Variants in METTL25 observed in about 807,000 individuals in gnomAD.
METTL25 encodes the protein methyltransferase like 25, also known as probable methyltransferase-like protein 25.
A neutral mutation model predicts 71.6 loss-of-function variants in METTL25; 64 were observed. The observed-to-expected ratio is 0.89, with a 90% CI of 0.73 to 1.10. METTL25 has a LOEUF of 1.10. Ranked by LOEUF, METTL25 falls within the 50% of genes least tolerant of loss-of-function variation. METTL25 has a pLI of 0.00. For synonymous variants in METTL25, 287 were observed against 250.3 expected, an observed-to-expected ratio of 1.15 and a Z score of -1.38; for missense variants, 807 against 707.0, an observed-to-expected ratio of 1.14 and a Z score of -1.60.
intron 1 of METTL25, among the ~76,000 whole-genome samples, chr12:82,368,329 C>G (rs960398338): frequency 6.6e-6 from 1 of 152,110 alleles, no homozygotes; most frequent in African/African-American, 2.4e-5. Flanking sequence ...TTTTTTTTAG[C>G]CAACATTTCA....
intron 1 of METTL25, among the ~76,000 whole-genome samples, chr12:82,368,169 C>T (rs1882785481): frequency 1.3e-5 from 2 of 151,980 alleles, no homozygotes; most frequent in South Asian, 4.1e-4. Context: ...GCTGTGTTAT[C>T]TTGCACAGGG....
intron 1 of METTL25, among the ~76,000 whole-genome samples, chr12:82,360,918 G>T (rs1467764804): frequency 6.6e-6 from 1 of 152,164 alleles, no homozygotes; most frequent in Non-Finnish European, 1.5e-5. Flanking sequence ...GGTCTCGCTG[G>T]CTTCAGGAGT....
At chr12:82,409,635 C>T (rs1196551799) in intron 5 of METTL25, among the ~76,000 whole-genome samples, 3 of 151,974 alleles carry the variant, frequency 2.0e-5, no homozygotes, top group South Asian at 2.1e-4. Context: ...CTGCTCCTTC[C>T]CTGCCTCCTC....
chr12:82,476,500 T>G (rs1392426097), intron 9 of METTL25, 144 bp from the exon 10 acceptor site: 2 of 606,838 alleles, frequency 3.3e-6, no homozygotes, highest in Non-Finnish European at 5.8e-6. Flanking sequence ...CTTGACTTGC[T>G]TCATGAATAT....
intron 9 of METTL25, among the ~76,000 whole-genome samples, chr12:82,461,650 C>G (rs190974789): frequency 5.9e-5 from 9 of 151,490 alleles, no homozygotes; most frequent in Admixed American, 2.0e-4. Flanking sequence ...TCATGCTTGT[C>G]AACAGACAAA....
At chr12:82,440,542 A>T (rs1014645953) in intron 8 of METTL25, among the ~76,000 whole-genome samples, 5 of 152,044 alleles carry the variant, frequency 3.3e-5, no homozygotes, top group African/African-American at 7.2e-5. Context: ...ATAATTAGTT[A>T]TCAAGATTTG....
At chr12:82,441,126 T>C (rs926011454) in intron 8 of METTL25, among the ~76,000 whole-genome samples, 1 of 151,954 alleles carries the variant, frequency 6.6e-6, no homozygotes, top group African/African-American at 2.4e-5. Context: ...ACTGTAAGAG[T>C]TAAGAGTGAA....
chr12:82,364,101 T>C (rs1882283222), intron 1 of METTL25, among the ~76,000 whole-genome samples: 1 of 152,262 alleles, frequency 6.6e-6, no homozygotes, highest in Non-Finnish European at 1.5e-5. Context: ...GGTTTAAACC[T>C]ATACTATCTC....
Position 82,478,973 on chromosome 12 carries a change from C to T in METTL25, c.1761C>T (p.Pro587=), listed in dbSNP as rs779023039. 1.2e-5 allele frequency: 19 copies of T among 1,612,494 alleles called. No individual in the cohort carries two copies. The highest frequency in any genetic ancestry group is 6.7e-5 in the East Asian group (3 of 44,770). The change falls in exon 12 of 12, where the codon CCC becomes CCT. Residue 587 remains proline, a synonymous_variant. Transcript: ENST00000248306. The part of the protein sequence containing the change: ...AWSALVKLFD[P]VKSPRCYAVI... ...CTGCTCTTGTGAAGTTGTTTGATCC[C>T]GTGAAATCTCCCAGATGTTATGCTG...
At chr12:82,467,105 C>T (rs895118236) in intron 9 of METTL25, among the ~76,000 whole-genome samples, 4 of 151,172 alleles carry the variant, frequency 2.6e-5, no homozygotes, top group Non-Finnish European at 4.4e-5. Context: ...AAGTTTCCTA[C>T]AGGCAGCATA....
chr12:82,471,793 C>T (rs192769369), intron 9 of METTL25, among the ~76,000 whole-genome samples: 45 of 152,244 alleles, frequency 3.0e-4, no homozygotes, highest in African/African-American at 8.9e-4. Context: ...ATAATAATAG[C>T]AGATCTAGCA....
intron 11 of METTL25, among the ~76,000 whole-genome samples, chr12:82,477,889 C>T (rs1892970474): frequency 6.6e-6 from 1 of 151,630 alleles, no homozygotes; most frequent in Admixed American, 6.6e-5. Flanking sequence ...GAGCTATGCT[C>T]AAAATAAAGT....
chr12:82,429,745 G>A (rs1319930358), intron 5 of METTL25, among the ~76,000 whole-genome samples: 1 of 151,522 alleles, frequency 6.6e-6, no homozygotes, highest in Non-Finnish European at 1.5e-5. Context: ...AGAAATGTCT[G>A]TTCAGATCCT....
intron 1 of METTL25, among the ~76,000 whole-genome samples, chr12:82,368,714 AT>A (rs1344118357): frequency 6.6e-6 from 1 of 152,218 alleles, no homozygotes; most frequent in Non-Finnish European, 1.5e-5. Flanking sequence ...AAATACAATG[AT>A]TTAAATATTT....
intron 5 of METTL25, chr12:82,407,823 C>A (rs1887221722): frequency 1.8e-5 from 18 of 985,282 alleles, no homozygotes; most frequent in Non-Finnish European, 1.9e-5. Flanking sequence ...ACAGTTTTGC[C>A]TAGCCCTGGA....
At chr12:82,471,418 A>T (rs1892562055) in intron 9 of METTL25, among the ~76,000 whole-genome samples, 1 of 152,222 alleles carries the variant, frequency 6.6e-6, no homozygotes, top group South Asian at 2.1e-4. Flanking sequence ...ATTATGCATG[A>T]TAAAGCCTCT....
intron 3 of METTL25, among the ~76,000 whole-genome samples, chr12:82,397,000 T>C (rs1388445876): frequency 6.6e-6 from 1 of 152,080 alleles, no homozygotes; most frequent in Non-Finnish European, 1.5e-5. Flanking sequence ...TATTTACCAG[T>C]TGATGGACAT....
Position 82,399,012 on chromosome 12 carries a change from ATAAAGT to A in METTL25, c.754_759del (p.Val252_Lys253del). The A allele has an allele frequency of 1.2e-6, 2 of 1,609,536 alleles. No homozygotes were observed. Among genetic ancestry groups the A allele is most frequent in the Non-Finnish European group, 1.7e-6 (2 of 1,178,084 alleles). On this transcript the variant is annotated inframe_deletion, in exon 4 of 12. Coordinates refer to ENST00000248306, the MANE Select transcript of METTL25 (RefSeq NM_032230.3). ...ATGGCAAAAGAAAGGAAAGTGCAAA[ATAAAGT>A]TAAAAATAAAGCTGATACTGAGGAA... is the stretch of plus-strand genomic sequence containing the variant.
At chr12:82,361,455 G>C (rs1881874528) in intron 1 of METTL25, among the ~76,000 whole-genome samples, 1 of 152,206 alleles carries the variant, frequency 6.6e-6, no homozygotes, top group African/African-American at 2.4e-5. Context: ...ACCAGGCACT[G>C]TGAAGCAGGA....
Sources: gnomAD v4.1 joint callset for allele counts (sites outside exome capture counted in the v4.1 genomes callset) on GRCh38, gnomAD v4.1.1 for gene constraint, MANE v1.5 for transcripts, NCBI Gene and HGNC (gene_info 2026-07-23, HGNC 2026-07-21) for gene names.